Variants in WASHC5 observed in about 807,000 individuals in gnomAD.
The protein encoded by WASHC5 is WASH complex subunit 5.
WASHC5 carries 101 observed loss-of-function variants against 150.4 expected under a neutral mutation model. The observed-to-expected ratio is 0.67, with a 90% CI of 0.57 to 0.79. The LOEUF (loss-of-function observed/expected upper bound fraction) is 0.79, where lower values mean the gene tolerates loss of function less well. Among genes scored for constraint, WASHC5 ranks in the 30% least tolerant of loss-of-function variants. WASHC5 has a pLI of 0.00. For synonymous variants in WASHC5, 467 were observed against 491.2 expected (o/e 0.95, Z 0.65); for missense variants, 1,195 against 1,396.3 (o/e 0.86, Z 2.30).
chr8:125,028,445 T>G (rs1390047201), intron 28 of WASHC5, among the ~76,000 whole-genome samples, 175 bp downstream of exon 28: 1 of 152,116 alleles, frequency 6.6e-6, no homozygotes, highest in East Asian at 1.9e-4. Flanking sequence ...TGCAAGGCAA[T>G]TCCCATGGTG....
At chr8:125,079,063 C>A in intron 5 of WASHC5, 133 bp from the exon 6 acceptor site, 1 of 618,938 alleles carries the variant, frequency 1.6e-6, no homozygotes, top group Non-Finnish European at 2.8e-6. Flanking sequence ...CATCTATATC[C>A]TCAATATATC....
At chr8:125,040,718 T>C (rs937761793) in intron 23 of WASHC5, 4 of 152,256 alleles carry the variant, frequency 2.6e-5, no homozygotes, top group Non-Finnish European at 5.9e-5. Context: ...AAGAAGGACA[T>C]GTTTGCTTCC....
Position 125,029,305 on chromosome 8 carries a change from T to A in WASHC5, c.3336-598A>T, listed in dbSNP as rs931052502. ...GCCCTGGCCTCCCAAAGTGTTGGGA[T>A]TACAGGCGTGAGCCACCGCACCTGG... On this transcript the variant is annotated intron_variant, in intron 27 of 28. Transcript: ENST00000318410. 1.3e-5 allele frequency among the ~76,000 whole-genome samples: 2 copies of A among 152,198 alleles called. 1 individual carries two copies. Among genetic ancestry groups the A allele is most frequent in the African/African-American group, 4.8e-5 (2 of 41,460 alleles).
chr8:125,079,135 T>TATATATATATAC lies in WASHC5; in HGVS notation c.519-206_519-205insGTATATATATAT, dbSNP rs35442808. On this transcript the variant is annotated intron_variant, in intron 5 of 28. Transcript: ENST00000318410. ...GTGTGTGTATATATATATATATATA[T>TATATATATATAC]ATATACATTTTTTTTTGAGATGGAG... Among the ~76,000 whole-genome samples, 10,041 of 116,812 alleles carry TATATATATATAC rather than the reference T, an allele frequency of 0.086. 565 individuals carry two copies. Among genetic ancestry groups the TATATATATATAC allele is most frequent in the Admixed American group, 0.14 (1,449 of 10,166 alleles). 76.6% of individuals were successfully genotyped at this position (116,812 alleles called of 152,430 possible).
chr8:125,031,565 C>T (rs1266402916), intron 27 of WASHC5, among the ~76,000 whole-genome samples: 1 of 152,078 alleles, frequency 6.6e-6, no homozygotes, highest in South Asian at 2.1e-4. Context: ...TGTGCCCAGC[C>T]GCTTTGATTC....
At chr8:125,032,901 T>G (rs1350211956) in intron 26 of WASHC5, among the ~76,000 whole-genome samples, 2 of 151,792 alleles carry the variant, frequency 1.3e-5, no homozygotes, top group Non-Finnish European at 2.9e-5. Context: ...TGAATGAGTA[T>G]CAAAGCTGGC....
chr8:125,024,684 AAAG>A lies in WASHC5; in HGVS notation c.3424-14_3424-12del. On this transcript the variant is annotated splice_polypyrimidine_tract_variant and intron_variant, in intron 28 of 28. Transcript: ENST00000318410. ...ATGTGCTTCAGCAACCTGAAAAATT[AAAG>A]AATTAAATTATTCATGGTGTTATAG... The A allele has an allele frequency of 6.3e-7, 1 of 1,577,082 alleles. No homozygotes were observed. The highest frequency in any genetic ancestry group is 8.7e-7 in the Non-Finnish European group (1 of 1,146,452).
chr8:125,044,093 T>C lies in WASHC5; in HGVS notation c.2669A>G (p.Asn890Ser). Reference sequence around the variant, plus strand: ...AATTTTCTGAAACATACTGAGGAAATTCTAAAAACAAGAAGGCACGGTCAA... The same window carrying C: ...AATTTTCTGAAACATACTGAGGAAACTCTAAAAACAAGAAGGCACGGTCAA... ...LCFMIVKELQNFLSMFQKIIL... is the reference protein window; with the variant it reads ...LCFMIVKELQSFLSMFQKIIL... The change falls in exon 22 of 29, where the codon AAT becomes AGT. Residue 890 changes from asparagine (N) to serine (S), a missense_variant and splice_region_variant. This residue lies in a region of WASHC5 where 997 missense variants were observed against 1,168.1 expected (regional missense o/e 0.85). Coordinates refer to ENST00000318410, the MANE Select transcript of WASHC5 (RefSeq NM_014846.4). 1 of 1,601,494 alleles carries C rather than the reference T, an allele frequency of 6.2e-7. No homozygotes were observed. Among genetic ancestry groups the C allele is most frequent in the East Asian group, 2.2e-5 (1 of 44,788 alleles).
At chr8:125,082,923 C>A in intron 3 of WASHC5, 190 bp downstream of exon 3, 2 of 515,952 alleles carry the variant, frequency 3.9e-6, no homozygotes, top group East Asian at 3.3e-5. Context: ...CTCATAAGAG[C>A]AGGACATTAT....
chr8:125,083,624 T>G (rs1458765074), intron 2 of WASHC5, 89 bp downstream of exon 2: 7 of 1,046,208 alleles, frequency 6.7e-6, no homozygotes, highest in Non-Finnish European at 9.9e-6. Flanking sequence ...TTTTCCATAA[T>G]TCCTTAACCT....
At chr8:125,024,697 A>C (rs1815323943) in intron 28 of WASHC5, 24 bp from the exon 29 acceptor site, 1 of 1,513,490 alleles carries the variant, frequency 6.6e-7, no homozygotes. Context: ...GAATTAAATT[A>C]TTCATGGTGT....
chr8:125,068,342 A>G (rs56005734), intron 9 of WASHC5, among the ~76,000 whole-genome samples: 8,297 of 152,248 alleles, frequency 0.054, 296 homozygotes, highest in African/African-American at 0.096. Context: ...GCAGCCCCCA[A>G]TAGAAACCGA....
intron 9 of WASHC5, among the ~76,000 whole-genome samples, chr8:125,069,879 G>C (rs1816851933): frequency 6.6e-6 from 1 of 152,186 alleles, no homozygotes; most frequent in Non-Finnish European, 1.5e-5. Context: ...AATTAAACTA[G>C]AAATCTCCTG....
At chr8:125,072,274 G>A (rs1816919131) in intron 9 of WASHC5, among the ~76,000 whole-genome samples, 1 of 144,910 alleles carries the variant, frequency 6.9e-6, no homozygotes, top group South Asian at 2.2e-4. Context: ...GAGCCCAGGA[G>A]GTCTGAGTGA....
intron 23 of WASHC5, among the ~76,000 whole-genome samples, chr8:125,041,538 G>A (rs1815887034): frequency 6.6e-6 from 1 of 152,112 alleles, no homozygotes; most frequent in Admixed American, 6.5e-5. Flanking sequence ...ATACTTGGAA[G>A]GCTGAGGTAT....
intron 2 of WASHC5, among the ~76,000 whole-genome samples, chr8:125,083,470 G>T (rs1817332366): frequency 6.6e-6 from 1 of 152,188 alleles, no homozygotes; most frequent in African/African-American, 2.4e-5. Flanking sequence ...ATGCTTTTAA[G>T]TATGGGGCCC....
At chr8:125,079,625 T>C (rs1817190347) in intron 5 of WASHC5, among the ~76,000 whole-genome samples, 1 of 152,228 alleles carries the variant, frequency 6.6e-6, no homozygotes, top group African/African-American at 2.4e-5. Context: ...AAGAGTCATA[T>C]GGCATATAGA....
intron 27 of WASHC5, among the ~76,000 whole-genome samples, chr8:125,029,101 G>A (rs1815455338): frequency 6.7e-6 from 1 of 149,556 alleles, no homozygotes; most frequent in South Asian, 2.1e-4. Context: ...GTATGATCTC[G>A]GCTCACTGCA....
chr8:125,028,282 A>G (rs947594995), intron 28 of WASHC5, among the ~76,000 whole-genome samples: 5 of 152,220 alleles, frequency 3.3e-5, no homozygotes, highest in African/African-American at 1.2e-4. Flanking sequence ...TGGAGAGAGA[A>G]AGAACAAACC....
Sources: allele counts gnomAD v4.1 joint callset (sites outside exome capture counted in the v4.1 genomes callset), GRCh38; gene constraint gnomAD v4.1.1; regional missense constraint gnomAD v4.1.1; transcripts MANE v1.5; gene names NCBI Gene and HGNC (gene_info 2026-07-23, HGNC 2026-07-21).